The following CLEC16A variants were observed in gnomAD, a reference collection of about 807,000 sequenced individuals.
CLEC16A encodes C-type lectin domain containing 16A.
CLEC16A carries 51 observed loss-of-function variants against 109.5 expected under a neutral mutation model. That is an observed-to-expected ratio of 0.47 (90% CI 0.37 to 0.59). CLEC16A has a LOEUF of 0.59. CLEC16A is among the 20% of genes least tolerant of loss of function. The probability of loss-of-function intolerance (pLI) is 0.00; values close to 1 mark genes in which losing one functional copy is unlikely to be tolerated. For synonymous variants in CLEC16A, 673 were observed against 564.2 expected (o/e 1.19, Z -2.73); for missense variants, 1,339 against 1,394.0 (o/e 0.96, Z 0.63).
chr16:11,171,037 G>A (rs1457491459), intron 23 of CLEC16A, among the ~76,000 whole-genome samples: 2 of 152,236 alleles, frequency 1.3e-5, no homozygotes, highest in Non-Finnish European at 2.9e-5. Context: ...CTAGAGACCA[G>A]TGGATTCCTT....
At chr16:11,083,164 TTTGTTTG>T (rs1471355524) in intron 19 of CLEC16A, among the ~76,000 whole-genome samples, 8 of 152,102 alleles carry the variant, frequency 5.3e-5, no homozygotes, top group Middle Eastern at 3.4e-3. Context: ...TGTTTGTTTG[TTTGTTTG>T]TTGTTGTTTG....
intron 13 of CLEC16A, among the ~76,000 whole-genome samples, chr16:11,030,892 G>A (rs1043647778): frequency 1.7e-4 from 26 of 152,174 alleles, no homozygotes; most frequent in African/African-American, 6.0e-4. Context: ...TGATACACCC[G>A]CCTCAGCCTC....
intron 12 of CLEC16A, among the ~76,000 whole-genome samples, chr16:11,022,180 G>T (rs1351666423): frequency 6.6e-6 from 1 of 152,072 alleles, no homozygotes; most frequent in Non-Finnish European, 1.5e-5. Context: ...CTGCTAGACT[G>T]TGAGACTGAA....
intron 20 of CLEC16A, among the ~76,000 whole-genome samples, chr16:11,121,570 T>A: frequency 6.6e-6 from 1 of 151,964 alleles, no homozygotes; most frequent in Non-Finnish European, 1.5e-5. Flanking sequence ...TTTTGGGTTT[T>A]TTTTTGTTTT....
At chr16:11,161,142 C>G (rs1239456200) in intron 22 of CLEC16A, among the ~76,000 whole-genome samples, 1 of 152,198 alleles carries the variant, frequency 6.6e-6, no homozygotes, top group Non-Finnish European at 1.5e-5. Flanking sequence ...ACCCTCTTAA[C>G]CTAGAGGATT....
At chr16:10,995,842 T>C (rs531626863) in intron 10 of CLEC16A, among the ~76,000 whole-genome samples, 46 of 152,288 alleles carry the variant, frequency 3.0e-4, no homozygotes, top group Non-Finnish European at 5.6e-4. Context: ...AAAACCTTTC[T>C]CCTACTTCTC....
chr16:11,122,879 A>C (rs865963870), intron 20 of CLEC16A, among the ~76,000 whole-genome samples: 16 of 135,028 alleles, frequency 1.2e-4, no homozygotes, highest in Middle Eastern at 4.2e-3. Context: ...CTGCTCAATG[A>C]CCTTCCCTAT....
intron 10 of CLEC16A, among the ~76,000 whole-genome samples, chr16:11,000,248 T>G (rs1421972093): frequency 6.6e-6 from 1 of 152,248 alleles, no homozygotes; most frequent in Non-Finnish European, 1.5e-5. Flanking sequence ...GGGTTGGGTT[T>G]CAGACCACTC....
intron 18 of CLEC16A, among the ~76,000 whole-genome samples, chr16:11,055,316 G>C (rs144204079): frequency 6.6e-6 from 1 of 152,124 alleles, no homozygotes. Context: ...TAGAGTGATC[G>C]GAAGAGCTTC....
intron 10 of CLEC16A, among the ~76,000 whole-genome samples, chr16:10,994,164 C>T (rs1007268267): frequency 6.6e-6 from 1 of 152,172 alleles, no homozygotes; most frequent in Admixed American, 6.5e-5. Flanking sequence ...GAGAAGAATG[C>T]CGTGTTCTCC....
At chr16:11,162,406 G>A (rs572069986) in intron 22 of CLEC16A, among the ~76,000 whole-genome samples, 7 of 152,338 alleles carry the variant, frequency 4.6e-5, no homozygotes, top group African/African-American at 1.7e-4. Context: ...CAGGCAGTTT[G>A]TGTTCCCTCC....
intron 10 of CLEC16A, among the ~76,000 whole-genome samples, chr16:10,987,870 C>A (rs966455298): frequency 5.9e-5 from 9 of 152,130 alleles, no homozygotes; most frequent in African/African-American, 1.9e-4. Flanking sequence ...ACTGGTATTG[C>A]CTCATTTTTA....
At chr16:11,139,365 A>G (rs1387832841) in intron 22 of CLEC16A, among the ~76,000 whole-genome samples, 1 of 152,226 alleles carries the variant, frequency 6.6e-6, no homozygotes, top group Non-Finnish European at 1.5e-5. Flanking sequence ...GAATCCCATG[A>G]CTAAAATACA....
At chr16:11,059,327 A>G (rs1196420598) in intron 18 of CLEC16A, among the ~76,000 whole-genome samples, 2 of 152,210 alleles carry the variant, frequency 1.3e-5, no homozygotes, top group South Asian at 2.1e-4. Context: ...TGCTACCACC[A>G]CCATCATCAT....
Position 10,982,981 on chromosome 16 carries a change from A to G in CLEC16A, c.1061A>G (p.Gln354Arg), listed in dbSNP as rs944311460. 1.9e-6 allele frequency: 3 copies of G among 1,594,074 alleles called. No individual in the cohort carries two copies. In the African/African-American group the frequency reaches 4.0e-5, roughly 21 times the overall value. The change falls in exon 10 of 24, where the codon CAG becomes CGG. Residue 354 changes from glutamine (Q) to arginine (R), a missense_variant. Around this residue, in one of 3 missense-constraint regions of CLEC16A, gnomAD observed 1,061 missense variants for 1,006.8 expected, o/e 1.05. Coordinates refer to ENST00000409790, the MANE Select transcript of CLEC16A (RefSeq NM_015226.3). ...TACGCTAAGACTGAACAGGATATTC[A>G]GAGAAGTTCTGTAAGTCATTAGCTT... is the stretch of plus-strand genomic sequence containing the variant. ...EMYAKTEQDI[Q>R]RSSAKPSIRC...
intron 10 of CLEC16A, among the ~76,000 whole-genome samples, chr16:11,002,818 G>C (rs540776198): frequency 6.6e-6 from 1 of 152,130 alleles, no homozygotes; most frequent in South Asian, 2.1e-4. Flanking sequence ...TTCTTTTTTA[G>C]TGCTGAATAC....
In CLEC16A at chr16:10,954,612, C is replaced by T. The variant is rs371320223; in HGVS notation, c.81-3170C>T. 1.3e-5 allele frequency among the ~76,000 whole-genome samples: 2 copies of T among 152,288 alleles called. No homozygotes were observed. The highest frequency in any genetic ancestry group is 2.1e-4 in the South Asian group (1 of 4,830). On this transcript the variant is annotated intron_variant, in intron 1 of 23. Coordinates refer to ENST00000409790, the MANE Select transcript of CLEC16A (RefSeq NM_015226.3). The surrounding 1 kb of genome is among the most constrained non-coding windows in gnomAD (Gnocchi z 4.2). The stretch of plus-strand genomic sequence containing the variant: ...CTGAGGTGCACAGAGGGAAAGTAAC[C>T]TGCTCAGGATCACCCAGCTAATAAG...
chr16:11,013,833 G>A (rs548552174), intron 11 of CLEC16A, among the ~76,000 whole-genome samples: 2 of 152,058 alleles, frequency 1.3e-5, no homozygotes, highest in African/African-American at 4.8e-5. Context: ...TAGCTACTCG[G>A]GAGGCTGAGG....
At chr16:11,099,752 G>A (rs1413090287) in intron 19 of CLEC16A, among the ~76,000 whole-genome samples, 5 of 152,184 alleles carry the variant, frequency 3.3e-5, no homozygotes, top group South Asian at 4.1e-4. Flanking sequence ...GTGCGAGGAC[G>A]GGGCAAAGTG....
Sources: allele counts gnomAD v4.1 joint callset (sites outside exome capture counted in the v4.1 genomes callset), GRCh38; gene constraint gnomAD v4.1.1; regional missense constraint gnomAD v4.1.1; non-coding constraint Gnocchi (gnomAD v3.1); transcripts MANE v1.5; gene names NCBI Gene and HGNC (gene_info 2026-07-23, HGNC 2026-07-21).